The following LRP5 variants were observed in gnomAD, a reference collection of about 807,000 sequenced individuals.
The protein encoded by LRP5 is LDL receptor related protein 5.
LRP5 carries 62 observed loss-of-function variants against 154.1 expected under a neutral mutation model. The ratio of observed to expected loss-of-function variants is 0.40; its 90% confidence interval spans 0.33 to 0.50. The LOEUF is 0.50. Among genes scored for constraint, LRP5 ranks in the 20% least tolerant of loss-of-function variants. The probability of loss-of-function intolerance (pLI) is 0.55; values close to 1 mark genes in which losing one functional copy is unlikely to be tolerated. For synonymous variants in LRP5, 966 were observed against 1,011.5 expected, an observed-to-expected ratio of 0.96 and a Z score of 0.85; for missense variants, 1,915 against 2,336.7, an observed-to-expected ratio of 0.82 and a Z score of 3.72.
In LRP5 at chr11:68,423,803, G is replaced by T. The variant is rs2098667207; in HGVS notation, c.3236+106G>T. On this transcript the variant is annotated intron_variant, in intron 14 of 22. Transcript: ENST00000294304. This position sits in a 1 kb window ranked among gnomAD's most constrained non-coding sequence, Gnocchi z 4.7. Reference sequence around the variant, plus strand: ...AGGCTGGGGAGACTTTCCACCCTGGGGATCCAATGGGTGGCTTTCCAGGGT... The same window carrying T: ...AGGCTGGGGAGACTTTCCACCCTGGTGATCCAATGGGTGGCTTTCCAGGGT... 4.5e-6 allele frequency: 5 copies of T among 1,099,188 alleles called. No individual in the cohort carries two copies. The highest frequency in any genetic ancestry group is 6.5e-6 in the Non-Finnish European group (5 of 765,482). 68.1% of individuals were successfully genotyped at this position (1,099,188 alleles called of 1,614,324 possible). A position where few individuals can be genotyped will look rare whatever the true frequency, so the allele number is the denominator to read the frequency against.
intron 7 of LRP5, among the ~76,000 whole-genome samples, chr11:68,401,301 C>T (rs2098652506): frequency 6.6e-6 from 1 of 152,206 alleles, no homozygotes; most frequent in South Asian, 2.1e-4. Flanking sequence ...GCTCCATCAC[C>T]TGCTGTTCAT....
At chr11:68,338,550 C>T (rs533392661) in intron 1 of LRP5, among the ~76,000 whole-genome samples, 3 of 152,262 alleles carry the variant, frequency 2.0e-5, no homozygotes, top group South Asian at 4.1e-4. Flanking sequence ...CAGAAGTGGG[C>T]GTTCCTGGGA....
intron 14 of LRP5, 34 bp from the exon 15 acceptor site, chr11:68,425,068 C>T: frequency 1.2e-6 from 2 of 1,603,900 alleles, no homozygotes; most frequent in Non-Finnish European, 1.7e-6. Context: ...GACGCCATCC[C>T]CACACCCGTC....
At chr11:68,343,901 C>G (rs773855324) in intron 1 of LRP5, among the ~76,000 whole-genome samples, 1 of 151,926 alleles carries the variant, frequency 6.6e-6, no homozygotes, top group African/African-American at 2.4e-5. Flanking sequence ...CTGAATGTGC[C>G]GGGGCCTGGG....
At position 68,439,708 on chromosome 11, in the gene LRP5, C is replaced by T. The variant is rs2098677052; in HGVS notation, c.4349-69C>T. 2.0e-6 allele frequency: 3 copies of T among 1,534,824 alleles called. No individual in the cohort carries two copies. The Admixed American group carries it at 5.5e-5, about 28-fold the overall frequency. On this transcript the variant is annotated intron_variant, in intron 20 of 22. Coordinates refer to ENST00000294304, the MANE Select transcript of LRP5 (RefSeq NM_002335.4). ...TGGGTAGTGGGAGCAGAGGAGAGCG[C>T]CCTATGTCTGTGGGGCGGCTTGGCT...
At chr11:68,419,144 C>T (rs1334373413) in intron 13 of LRP5, among the ~76,000 whole-genome samples, 4 of 152,134 alleles carry the variant, frequency 2.6e-5, no homozygotes, top group Non-Finnish European at 4.4e-5. Flanking sequence ...AAATTATCAT[C>T]CAATTGGCCG....
At position 68,439,781 on chromosome 11, in the gene LRP5, C is replaced by T. The variant is rs151148660; in HGVS notation, c.4353C>T (p.Ile1451=). The change falls in exon 21 of 23, where the codon ATC becomes ATT. Residue 1451 remains isoleucine, a synonymous_variant. Transcript: ENST00000294304. The stretch of plus-strand genomic sequence containing the variant: ...CCCCCGTCCCTTCCCTGCCAGGCAT[C>T]GCATGCGGAAAGTCCATGATGAGCT... ...GGSQHGPFTG[I]ACGKSMMSSV... is the part of the protein sequence containing the mutation. 61 of 1,610,798 alleles carry T rather than the reference C, an allele frequency of 3.8e-5. 1 individual carries two copies. In the Admixed American group the frequency reaches 6.9e-4, roughly 18 times the overall value.
At chr11:68,437,337 G>A (rs914516658) in intron 19 of LRP5, among the ~76,000 whole-genome samples, 1 of 152,238 alleles carries the variant, frequency 6.6e-6, no homozygotes, top group African/African-American at 2.4e-5. Context: ...CCTGTTCCCT[G>A]GCAGCTTACT....
At chr11:68,417,675 C>T (rs1251445177) in intron 13 of LRP5, among the ~76,000 whole-genome samples, 1 of 151,978 alleles carries the variant, frequency 6.6e-6, no homozygotes, top group Non-Finnish European at 1.5e-5. Context: ...TGGCTCACAC[C>T]TGTAATCCCA....
the LRP5 span, among the ~76,000 whole-genome samples, chr11:68,302,186 A>C: frequency 6.6e-6 from 1 of 151,280 alleles, no homozygotes; most frequent in South Asian, 2.1e-4. Context: ...TCTCTACTAG[A>C]AATACAAAAA....
At chr11:68,351,204 G>A (rs374232852) in intron 2 of LRP5, among the ~76,000 whole-genome samples, 25 of 152,174 alleles carry the variant, frequency 1.6e-4, no homozygotes, top group South Asian at 4.2e-4. Context: ...AAGTGCCCCC[G>A]GCCTCCCAGG....
At chr11:68,314,635 TCCCCAGCTCCCAAGC>T (rs2098591634) in intron 1 of LRP5, among the ~76,000 whole-genome samples, 1 of 152,196 alleles carries the variant, frequency 6.6e-6, no homozygotes, top group Non-Finnish European at 1.5e-5. Flanking sequence ...GCTGAGAACT[TCCCCAGCTCCCAAGC>T]CCTAGTCCTC....
At chr11:68,347,669 C>T (rs895455084) in intron 1 of LRP5, among the ~76,000 whole-genome samples, 178 bp from the exon 2 acceptor site, 2 of 152,204 alleles carry the variant, frequency 1.3e-5, no homozygotes, top group South Asian at 4.1e-4. Flanking sequence ...CTGAATGATG[C>T]GGGCCGGGGC....
chr11:68,334,999 A>G (rs2098604871), intron 1 of LRP5, among the ~76,000 whole-genome samples: 3 of 151,730 alleles, frequency 2.0e-5, no homozygotes, highest in African/African-American at 7.3e-5. Context: ...CATTGCTCCT[A>G]GGGGAAACAT....
chr11:68,308,356 C>T (rs544057943), upstream of LRP5, among the ~76,000 whole-genome samples: 7 of 152,310 alleles, frequency 4.6e-5, no homozygotes, highest in Admixed American at 3.9e-4. Context: ...CGGGCTGAAA[C>T]GACATCCTCA....
intron 16 of LRP5, 100 bp from the exon 17 acceptor site, chr11:68,429,475 C>T: frequency 6.7e-7 from 1 of 1,488,514 alleles, no homozygotes; most frequent in Non-Finnish European, 9.3e-7. Flanking sequence ...TGCAGGAGGG[C>T]CAGTTCTCAT....
At chr11:68,409,191 T>C in intron 9 of LRP5, among the ~76,000 whole-genome samples, 1 of 126,348 alleles carries the variant, frequency 7.9e-6, no homozygotes, top group East Asian at 2.0e-4. Context: ...ATAAAATTTA[T>C]AAATTATATT....
intron 1 of LRP5, among the ~76,000 whole-genome samples, chr11:68,346,919 G>A (rs928614393): frequency 1.1e-4 from 17 of 152,236 alleles, no homozygotes; most frequent in Non-Finnish European, 2.5e-4. Flanking sequence ...TGGGGTGATG[G>A]TCTGAAGGCC....
At chr11:68,444,479 T>C (rs1047027539) in intron 21 of LRP5, among the ~76,000 whole-genome samples, 1 of 151,850 alleles carries the variant, frequency 6.6e-6, no homozygotes, top group Non-Finnish European at 1.5e-5. Flanking sequence ...ATCATGCCAT[T>C]GTACTCCAGC....
Sources: gnomAD v4.1 joint callset for allele counts (sites outside exome capture counted in the v4.1 genomes callset) on GRCh38, gnomAD v4.1.1 for gene constraint, Gnocchi (gnomAD v3.1) non-coding constraint, MANE v1.5 for transcripts, NCBI Gene and HGNC (gene_info 2026-07-23, HGNC 2026-07-21) for gene names.